The following TRIM9 variants were observed in gnomAD, a reference collection of about 807,000 sequenced individuals.
TRIM9 encodes tripartite motif containing 9, also known as E3 ubiquitin-protein ligase TRIM9.
Under a neutral mutation model 78.3 loss-of-function variants are expected in TRIM9, and 26 were observed. The ratio of observed to expected loss-of-function variants is 0.33; its 90% CI spans 0.24 to 0.46. The LOEUF (loss-of-function observed/expected upper bound fraction) is 0.46, where lower values mean the gene tolerates loss of function less well. Ranked by LOEUF, TRIM9 falls within the 20% of genes least tolerant of loss-of-function variation. The probability of loss-of-function intolerance (pLI) is 1.00; values close to 1 mark genes in which losing one functional copy is unlikely to be tolerated. For missense variants in TRIM9, 787 were observed against 1,036.4 expected, an observed-to-expected ratio of 0.76 and a Z score of 3.30; for synonymous variants, 398 against 416.5, an observed-to-expected ratio of 0.96 and a Z score of 0.54.
chr14:51,026,766 G>C (rs537003694), intron 1 of TRIM9, among the ~76,000 whole-genome samples: 11 of 152,258 alleles, frequency 7.2e-5, no homozygotes, highest in Non-Finnish European at 1.3e-4. Context: ...GGTTTGAAAG[G>C]GTGCAGATTC....
At chr14:51,012,116 T>C (rs865987320) in intron 3 of TRIM9, among the ~76,000 whole-genome samples, 2 of 152,234 alleles carry the variant, frequency 1.3e-5, no homozygotes, top group African/African-American at 4.8e-5. Context: ...TTCAAGTGTG[T>C]AATTCCGTGG....
Position 51,009,075 on chromosome 14 carries a change from C to G in TRIM9, c.1306+5G>C. The G allele has an allele frequency of 6.2e-7, 1 of 1,613,602 alleles. No homozygotes were observed. The highest frequency in any genetic ancestry group is 8.5e-7 in the Non-Finnish European group (1 of 1,179,762). On this transcript the variant is annotated splice_donor_5th_base_variant and intron_variant, in intron 5 of 12. Transcript: ENST00000684578. ...CTCTCTGACTTGGGGGATGCAAGGA[C>G]ATACCTTTCACTTGCACGAAATCCA...
intron 1 of TRIM9, among the ~76,000 whole-genome samples, chr14:51,035,451 C>T (rs2059061404): frequency 6.6e-6 from 1 of 152,140 alleles, no homozygotes; most frequent in Non-Finnish European, 1.5e-5. Flanking sequence ...TGATTTTTCA[C>T]TTTAATACAT....
Position 50,977,334 on chromosome 14 carries a change from A to G in TRIM9, c.2345T>C (p.Leu782Pro). The G allele has an allele frequency of 6.4e-7, 1 of 1,551,348 alleles. No homozygotes were observed. Reference protein sequence around the residue: ...RNVQVTLHTGLPVPDFYSSRA... With the variant: ...RNVQVTLHTGPPVPDFYSSRA... ...GCTGGAGTAGAAGTCGGGGACTGGG[A>G]GCCCGGTGTGCAGCGTGACCTGGGG... The change falls in exon 13 of 13, where the codon CTC (leucine) becomes CCC (proline). Residue 782 changes from leucine to proline, a missense_variant. Transcript: ENST00000684578.
intron 1 of TRIM9, among the ~76,000 whole-genome samples, chr14:51,049,692 G>C (rs2060237450): frequency 6.6e-6 from 1 of 151,866 alleles, no homozygotes; most frequent in Non-Finnish European, 1.5e-5. Context: ...TGGGTGTGGT[G>C]GTGGGTGCCT....
At chr14:51,047,113 G>C (rs1481645403) in intron 1 of TRIM9, among the ~76,000 whole-genome samples, 2 of 152,110 alleles carry the variant, frequency 1.3e-5, no homozygotes, top group African/African-American at 4.8e-5. Flanking sequence ...ATCTGCCTCT[G>C]CTTGAGCTGG....
chr14:50,993,193 T>C (rs918171646), intron 7 of TRIM9, among the ~76,000 whole-genome samples: 1 of 151,706 alleles, frequency 6.6e-6, no homozygotes, highest in Non-Finnish European at 1.5e-5. Context: ...CTGGTACCAG[T>C]GGGGGAAGGG....
At chr14:50,980,809 T>C (rs1020946756) in intron 11 of TRIM9, among the ~76,000 whole-genome samples, 1 of 152,226 alleles carries the variant, frequency 6.6e-6, no homozygotes, top group Admixed American at 6.5e-5. Context: ...TGACAGCGAA[T>C]AATACACACT....
intron 1 of TRIM9, among the ~76,000 whole-genome samples, chr14:51,047,266 A>G (rs2060019959): frequency 6.6e-6 from 1 of 152,154 alleles, no homozygotes; most frequent in Non-Finnish European, 1.5e-5. Context: ...TAACTCAAGC[A>G]TTACCTCCTC....
rs115020092 is a variant in TRIM9 at position 51,092,094 on chromosome 14, G to A, written c.822+2024C>T. 9.1e-3 allele frequency among the ~76,000 whole-genome samples: 1,378 copies of A among 152,188 alleles called. 18 individuals are homozygous for A. The highest frequency in any genetic ancestry group is 0.031 in the African/African-American group (1,298 of 41,498). ...TTTTAGTTCCAAGGATACTTTGTAG[G>A]GCAATTCAACATGGACTATAATTAG... On this transcript the variant is annotated intron_variant, in intron 1 of 12. Coordinates refer to ENST00000684578, the MANE Select transcript of TRIM9 (RefSeq NM_001387360.1).
intron 7 of TRIM9, chr14:50,996,255 G>A: frequency 1.0e-6 from 1 of 985,402 alleles, no homozygotes; most frequent in Non-Finnish European, 1.2e-6. Context: ...TGTTGGAAGA[G>A]AACTTGTTCC....
At chr14:50,991,072 A>G (rs1165754713) in intron 7 of TRIM9, among the ~76,000 whole-genome samples, 1 of 152,214 alleles carries the variant, frequency 6.6e-6, no homozygotes, top group African/African-American at 2.4e-5. Context: ...AGAATGAAAC[A>G]GCTTTTGCCA....
chr14:51,008,252 T>C (rs1259324977), intron 5 of TRIM9, among the ~76,000 whole-genome samples: 1 of 152,224 alleles, frequency 6.6e-6, no homozygotes, highest in Non-Finnish European at 1.5e-5. Flanking sequence ...TAAGATGGCA[T>C]GGAACTATAC....
chr14:51,074,189 C>G (rs1250704052), intron 1 of TRIM9, among the ~76,000 whole-genome samples: 1 of 151,950 alleles, frequency 6.6e-6, no homozygotes, highest in Non-Finnish European at 1.5e-5. Flanking sequence ...GAGGCTGAGA[C>G]AGGAGGATCA....
In TRIM9 at chr14:51,094,968, G is replaced by A. The variant is rs1198364743; in HGVS notation, c.-29C>T. The A allele has an allele frequency of 7.2e-7, 1 of 1,389,726 alleles. No homozygotes were observed. The highest frequency in any genetic ancestry group is 9.4e-7 in the Non-Finnish European group (1 of 1,067,358). 86.1% of individuals were successfully genotyped at this position (1,389,726 alleles called of 1,614,324 possible). A position where few individuals can be genotyped will look rare whatever the true frequency, so the allele number is the denominator to read the frequency against. The stretch of plus-strand genomic sequence containing the variant: ...GACCGGTCTGGGAGGAGACAGCGAC[G>A]GCTGCAGCGGGTGCCTGAGCTGGCG... On this transcript the variant is annotated 5_prime_UTR_variant, in exon 1 of 13. Transcript: ENST00000684578.
At chr14:51,050,332 T>G (rs893926561) in intron 1 of TRIM9, among the ~76,000 whole-genome samples, 6 of 152,126 alleles carry the variant, frequency 3.9e-5, no homozygotes, top group African/African-American at 1.4e-4. Flanking sequence ...TGGTAGTGAG[T>G]AAGTCTCACG....
chr14:51,054,717 G>T (rs1312969126), intron 1 of TRIM9, among the ~76,000 whole-genome samples: 1 of 152,150 alleles, frequency 6.6e-6, no homozygotes, highest in East Asian at 1.9e-4. Flanking sequence ...GGGACTACAG[G>T]CGCATGCCAC....
At chr14:51,049,432 G>A (rs995780264) in intron 1 of TRIM9, among the ~76,000 whole-genome samples, 1 of 152,128 alleles carries the variant, frequency 6.6e-6, no homozygotes, top group African/African-American at 2.4e-5. Context: ...GGGCTGCCAC[G>A]ATTGCTCAGC....
chr14:51,004,204 A>T (rs933549289), intron 5 of TRIM9, among the ~76,000 whole-genome samples: 1 of 152,208 alleles, frequency 6.6e-6, no homozygotes, highest in Non-Finnish European at 1.5e-5. Context: ...TGACCTGATC[A>T]GGGTTCCAGC....
Sources: allele counts gnomAD v4.1 joint callset (sites outside exome capture counted in the v4.1 genomes callset), GRCh38; gene constraint gnomAD v4.1.1; transcripts MANE v1.5; gene names NCBI Gene and HGNC (gene_info 2026-07-23, HGNC 2026-07-21).